The following ZFYVE9 variants were observed in gnomAD, a reference collection of about 807,000 sequenced individuals.
The protein encoded by ZFYVE9 is zinc finger FYVE-type containing 9, also known as zinc finger FYVE domain-containing protein 9.
ZFYVE9 carries 43 observed loss-of-function variants against 126.7 expected under a neutral mutation model. The observed-to-expected ratio is 0.34, with a 90% CI of 0.27 to 0.44. The LOEUF (loss-of-function observed/expected upper bound fraction) is 0.44. Ranked by LOEUF, ZFYVE9 falls within the 20% of genes least tolerant of loss-of-function variation. ZFYVE9 has a pLI of 1.00. For synonymous variants in ZFYVE9, 521 were observed against 597.4 expected, an observed-to-expected ratio of 0.87 and a Z score of 1.87; for missense variants, 1,476 against 1,697.0, an observed-to-expected ratio of 0.87 and a Z score of 2.29.
At chr1:52,201,986 A>G (rs1644927110) in intron 1 of ZFYVE9, among the ~76,000 whole-genome samples, 1 of 151,294 alleles carries the variant, frequency 6.6e-6, no homozygotes, top group Non-Finnish European at 1.5e-5. Context: ...GTTTCGCCAC[A>G]TGGGCCAGGT....
intron 2 of ZFYVE9, among the ~76,000 whole-genome samples, chr1:52,218,814 G>C (rs1272427528): frequency 6.6e-6 from 1 of 152,152 alleles, no homozygotes. Flanking sequence ...GCGGGTAATG[G>C]GGGGAGATGG....
chr1:52,252,886 A>G (rs576541981), intron 4 of ZFYVE9: 1 of 176,298 alleles, frequency 5.7e-6, no homozygotes, highest in Non-Finnish European at 1.3e-5. Flanking sequence ...CAAGCACAAT[A>G]CACTGGATTA....
At chr1:52,233,984 T>C (rs766624734) in intron 3 of ZFYVE9, among the ~76,000 whole-genome samples, 3 of 152,230 alleles carry the variant, frequency 2.0e-5, no homozygotes, top group East Asian at 1.9e-4. Flanking sequence ...TTTCGCCTTG[T>C]TGGCCAGGCT....
At chr1:52,318,650 G>T (rs1389173929) in intron 13 of ZFYVE9, among the ~76,000 whole-genome samples, 1 of 152,096 alleles carries the variant, frequency 6.6e-6, no homozygotes, top group Admixed American at 6.6e-5. Flanking sequence ...GGTATTCATG[G>T]ATAACATGGC....
chr1:52,221,385 G>A (rs1030498952), intron 2 of ZFYVE9, among the ~76,000 whole-genome samples: 4 of 152,208 alleles, frequency 2.6e-5, no homozygotes, highest in Non-Finnish European at 4.4e-5. Flanking sequence ...ATTCTTCTGG[G>A]TTTGGATTTC....
intron 1 of ZFYVE9, among the ~76,000 whole-genome samples, chr1:52,192,167 A>T (rs1463222040): frequency 1.3e-5 from 2 of 152,122 alleles, no homozygotes; most frequent in East Asian, 3.9e-4. Context: ...GCTTTGTTTT[A>T]CATTGATTAC....
intron 8 of ZFYVE9, among the ~76,000 whole-genome samples, chr1:52,277,938 G>T (rs865856675): frequency 6.6e-6 from 1 of 152,028 alleles, no homozygotes; most frequent in Non-Finnish European, 1.5e-5. Flanking sequence ...ATACTTAAAG[G>T]AATTGTTTTA....
intron 1 of ZFYVE9, among the ~76,000 whole-genome samples, chr1:52,155,470 G>A (rs571045896): frequency 3.9e-5 from 6 of 152,162 alleles, no homozygotes; most frequent in East Asian, 1.9e-4. Context: ...TCCTGACCTC[G>A]TGGTCCACCC....
In ZFYVE9 at chr1:52,237,719, C is replaced by A; in HGVS notation, c.302C>A (p.Ala101Asp). The A allele has an allele frequency of 6.2e-7, 1 of 1,614,038 alleles. No individual in the cohort carries two copies. Among genetic ancestry groups the A allele is most frequent in the Non-Finnish European group, 8.5e-7 (1 of 1,179,964 alleles). ...GQDCNLNPEI[A>D]TMWIDENAVA... ...GACTGTAATCTAAATCCAGAGATTG[C>A]CACAATGTGGATTGATGAAAATGCT... The change falls in exon 4 of 19, where the codon GCC becomes GAC. Residue 101 changes from alanine to aspartate, a missense_variant. Around this residue, in one of 2 missense-constraint regions of ZFYVE9, gnomAD observed 807 missense variants for 794.6 expected, o/e 1.02. Transcript: ENST00000287727.
At chr1:52,305,658 G>A (rs1230988657) in intron 13 of ZFYVE9, among the ~76,000 whole-genome samples, 1 of 152,124 alleles carries the variant, frequency 6.6e-6, no homozygotes, top group African/African-American at 2.4e-5. Flanking sequence ...AGCTGCCCAA[G>A]TTATGGCTGC....
At chr1:52,235,769 T>G (rs1645267840) in intron 3 of ZFYVE9, among the ~76,000 whole-genome samples, 1 of 152,164 alleles carries the variant, frequency 6.6e-6, no homozygotes, top group Non-Finnish European at 1.5e-5. Flanking sequence ...AAAACTGTCT[T>G]TGAAGCATAG....
chr1:52,156,575 AC>A (rs1446546243), intron 1 of ZFYVE9, among the ~76,000 whole-genome samples: 1 of 152,158 alleles, frequency 6.6e-6, no homozygotes, highest in East Asian at 1.9e-4. Flanking sequence ...GGTGGGAGTT[AC>A]CCCCAACTGC....
At chr1:52,345,899 T>G in intron 18 of ZFYVE9, 161 bp from the exon 19 acceptor site, 1 of 670,616 alleles carries the variant, frequency 1.5e-6, no homozygotes, top group East Asian at 2.9e-5. Context: ...AACAACAGGA[T>G]AAGTGATCAC....
intron 1 of ZFYVE9, among the ~76,000 whole-genome samples, chr1:52,166,633 G>C (rs1216364804): frequency 1.3e-5 from 2 of 151,938 alleles, no homozygotes; most frequent in African/African-American, 2.4e-5. Context: ...AAAAGTTTTA[G>C]GCTGGGTGCG....
chr1:52,150,311 C>T (rs1476907670), intron 1 of ZFYVE9: 1 of 152,220 alleles, frequency 6.6e-6, no homozygotes, highest in Non-Finnish European at 1.5e-5. Flanking sequence ...TGAACTGGCC[C>T]AGGCTGGGAA....
intron 13 of ZFYVE9, among the ~76,000 whole-genome samples, chr1:52,324,870 C>T (rs1646276031): frequency 6.6e-6 from 1 of 152,204 alleles, no homozygotes; most frequent in African/African-American, 2.4e-5. Flanking sequence ...TACAGTGGCT[C>T]ACGCCTGTCG....
At chr1:52,296,173 G>A (rs1267215599) in intron 12 of ZFYVE9, among the ~76,000 whole-genome samples, 196 bp downstream of exon 12, 1 of 149,360 alleles carries the variant, frequency 6.7e-6, no homozygotes, top group Non-Finnish European at 1.5e-5. Context: ...ATATTCATAT[G>A]TATACACACA....
intron 8 of ZFYVE9, among the ~76,000 whole-genome samples, chr1:52,275,139 C>A (rs925220235): frequency 6.6e-6 from 1 of 152,150 alleles, no homozygotes; most frequent in Non-Finnish European, 1.5e-5. Flanking sequence ...ATGTGCCAAT[C>A]TGGTACATGG....
At chr1:52,208,780 G>A (rs1007537951) in intron 1 of ZFYVE9, among the ~76,000 whole-genome samples, 1 of 152,122 alleles carries the variant, frequency 6.6e-6, no homozygotes. Flanking sequence ...TGATCCACCC[G>A]CCTTGGCCTC....
Sources: allele counts gnomAD v4.1 joint callset (sites outside exome capture counted in the v4.1 genomes callset), GRCh38; gene constraint gnomAD v4.1.1; regional missense constraint gnomAD v4.1.1; transcripts MANE v1.5; gene names NCBI Gene and HGNC (gene_info 2026-07-23, HGNC 2026-07-21).